The following CARF variants were observed in gnomAD, a reference collection of about 807,000 sequenced individuals.
CARF encodes calcium-responsive transcription factor.
Under a neutral mutation model 82.0 loss-of-function variants are expected in CARF, and 57 were observed. That is an observed-to-expected ratio of 0.70 (90% confidence interval 0.56 to 0.87). CARF has a LOEUF of 0.87. Ranked by LOEUF, CARF falls within the 40% of genes least tolerant of loss-of-function variation. The pLI, the probability that CARF is intolerant of heterozygous loss-of-function variation, is 0.00. For missense variants in CARF, 771 were observed against 855.8 expected (o/e 0.90, Z 1.24); for synonymous variants, 268 against 290.1 (o/e 0.92, Z 0.77).
At chr2:202,944,752 C>T (rs749752030) in intron 5 of CARF, among the ~76,000 whole-genome samples, 4 of 151,528 alleles carry the variant, frequency 2.6e-5, no homozygotes, top group Non-Finnish European at 5.9e-5. Flanking sequence ...CTTTATTTGA[C>T]ATTTATTCTA....
intron 14 of CARF, among the ~76,000 whole-genome samples, chr2:202,980,578 A>C (rs10205697): frequency 0.26 from 33,542 of 130,780 alleles, 5,138 homozygotes; most frequent in East Asian, 0.55. Flanking sequence ...AGTACGGAGA[A>C]CACACTAGAT....
In CARF at chr2:202,912,750, C is replaced by T. The variant is rs990121248; in HGVS notation, c.-682C>T. 29 of 151,274 alleles carry T rather than the reference C, an allele frequency of 1.9e-4. No homozygotes were observed. The highest frequency in any genetic ancestry group is 7.4e-5 in the Non-Finnish European group (5 of 67,722). The allele number at this position is 151,274 out of a possible 1,614,324, so 9.4% of individuals were successfully genotyped here. ...ACGCGCCATCGCCGCGGAGAAGGAG[C>T]CGGACCCCTTGGGCGGAGCGCCCAA... On this transcript the variant is annotated 5_prime_UTR_variant, in exon 1 of 17. Transcript: ENST00000438828.
chr2:202,980,662 A>ATATATATAT (rs2060223733), intron 14 of CARF, among the ~76,000 whole-genome samples: 14 of 115,066 alleles, frequency 1.2e-4, no homozygotes, highest in African/African-American at 1.7e-4. Context: ...ATATATATAT[A>ATATATATAT]GTTGTGCCTC....
chr2:202,947,616 CAT>C, intron 5 of CARF, among the ~76,000 whole-genome samples: 1 of 152,144 alleles, frequency 6.6e-6, no homozygotes, highest in South Asian at 2.1e-4. Flanking sequence ...GCACGTTCAG[CAT>C]ATGTGTCCCA....
At chr2:202,913,909 T>A (rs900336190) in intron 1 of CARF, among the ~76,000 whole-genome samples, 1 of 152,224 alleles carries the variant, frequency 6.6e-6, no homozygotes, top group Non-Finnish European at 1.5e-5. Context: ...CTTAATAATA[T>A]AAGACTTTCA....
intron 12 of CARF, among the ~76,000 whole-genome samples, chr2:202,972,960 G>C (rs1046878316): frequency 6.6e-6 from 1 of 151,956 alleles, no homozygotes; most frequent in African/African-American, 2.4e-5. Flanking sequence ...TTTTGTAAAA[G>C]AAGCAGGGGT....
chr2:202,926,200 G>A (rs1691785087), intron 3 of CARF, among the ~76,000 whole-genome samples: 1 of 152,178 alleles, frequency 6.6e-6, no homozygotes, highest in Non-Finnish European at 1.5e-5. Flanking sequence ...GAGACCACCT[G>A]AGGCCCAATT....
intron 5 of CARF, among the ~76,000 whole-genome samples, chr2:202,943,631 T>TAC (rs1217993987): frequency 6.5e-5 from 7 of 108,340 alleles, no homozygotes; most frequent in Non-Finnish European, 1.3e-4. Context: ...CACACACACA[T>TAC]ATTAGGCTAA....
intron 9 of CARF, among the ~76,000 whole-genome samples, chr2:202,963,714 C>G (rs950911626): frequency 6.6e-6 from 1 of 152,098 alleles, no homozygotes; most frequent in Non-Finnish European, 1.5e-5. Context: ...TGGAGGTGAT[C>G]GGAGACAGTG....
At chr2:202,964,162 C>CATA (rs1020459540) in intron 9 of CARF, among the ~76,000 whole-genome samples, 6 of 152,178 alleles carry the variant, frequency 3.9e-5, no homozygotes, top group African/African-American at 1.4e-4. Context: ...CAGATTTGTA[C>CATA]ATAAGGGTTT....
intron 3 of CARF, among the ~76,000 whole-genome samples, chr2:202,931,860 C>T (rs1693000842): frequency 6.6e-6 from 1 of 152,170 alleles, no homozygotes; most frequent in Admixed American, 6.5e-5. Flanking sequence ...GCTACAGGAG[C>T]GCTGGGTTCC....
At chr2:202,936,882 G>T (rs1396140563) in intron 3 of CARF, among the ~76,000 whole-genome samples, 1 of 152,170 alleles carries the variant, frequency 6.6e-6, no homozygotes, top group Non-Finnish European at 1.5e-5. Flanking sequence ...CAAATGCAAA[G>T]ACATGAAGAT....
rs150006318 is a variant in CARF, at chr2:202,930,349, G to A, written c.-44+5934G>A. Reference sequence around the variant, plus strand: ...GGCCTGAGCCACCACACCTGGCCTCGTTCAGTGTTTTACAGTATTTAATGG... The same window carrying A: ...GGCCTGAGCCACCACACCTGGCCTCATTCAGTGTTTTACAGTATTTAATGG... On this transcript the variant is annotated intron_variant, in intron 3 of 16. Coordinates refer to ENST00000438828, the MANE Select transcript of CARF (RefSeq NM_024744.17). Among the ~76,000 whole-genome samples, 793 of 152,160 alleles carry A rather than the reference G, an allele frequency of 5.2e-3. 7 individuals are homozygous for A. Among genetic ancestry groups the A allele is most frequent in the African/African-American group, 0.018 (751 of 41,514 alleles).
At position 202,985,056 on chromosome 2, in the gene CARF, C is replaced by G. The variant is rs1490274623; in HGVS notation, c.*1432C>G. On this transcript the variant is annotated 3_prime_UTR_variant, in exon 17 of 17. Transcript: ENST00000438828. Reference sequence around the variant, plus strand: ...GGGTGACAAGAGAAAAACTCCATCTCAAAAAAAAAAAAAAGATTGGTAAAC... The same window carrying G: ...GGGTGACAAGAGAAAAACTCCATCTGAAAAAAAAAAAAAAGATTGGTAAAC... The G allele has an allele frequency of 9.9e-6, 1 of 101,316 alleles. No individual in the cohort carries two copies. The highest frequency in any genetic ancestry group is 2.1e-5 in the Non-Finnish European group (1 of 47,982). The allele number at this position is 101,316 out of a possible 1,614,324, so 6.3% of individuals were successfully genotyped here.
chr2:202,970,175 T>C (rs2059729542), intron 11 of CARF, 113 bp downstream of exon 11: 7 of 1,007,292 alleles, frequency 6.9e-6, no homozygotes, highest in Non-Finnish European at 8.6e-6. Context: ...AACGGTTTTA[T>C]AAGGTAGAGA....
intron 3 of CARF, among the ~76,000 whole-genome samples, chr2:202,935,670 C>A (rs960643325): frequency 2.0e-5 from 3 of 152,014 alleles, no homozygotes; most frequent in Admixed American, 1.3e-4. Flanking sequence ...GGTGATCCAC[C>A]CACCTCTGCC....
At chr2:202,963,769 G>A (rs1298471975) in intron 9 of CARF, among the ~76,000 whole-genome samples, 1 of 152,162 alleles carries the variant, frequency 6.6e-6, no homozygotes, top group Non-Finnish European at 1.5e-5. Context: ...CAGCAACCTA[G>A]ATCCCTTGCA....
At chr2:202,960,725 C>T (rs1027258789) in intron 8 of CARF, among the ~76,000 whole-genome samples, 2 of 151,628 alleles carry the variant, frequency 1.3e-5, no homozygotes, top group African/African-American at 4.8e-5. Context: ...TTCCCGCCTT[C>T]CCACCTTCCC....
At chr2:202,929,020 AC>A (rs35303411) in intron 3 of CARF, among the ~76,000 whole-genome samples, 68,355 of 151,936 alleles carry the variant, frequency 0.45, 16,441 homozygotes, top group Middle Eastern at 0.69. Context: ...GTGAGCCATC[AC>A]GCCTGGCCTG....
Sources: gnomAD v4.1 joint callset for allele counts (sites outside exome capture counted in the v4.1 genomes callset) on GRCh38, gnomAD v4.1.1 for gene constraint, MANE v1.5 for transcripts, NCBI Gene and HGNC (gene_info 2026-07-23, HGNC 2026-07-21) for gene names.